Variants in PPP1R12B observed in about 807,000 individuals in gnomAD.
The protein encoded by PPP1R12B is myosin phosphatase target subunit 2.
PPP1R12B carries 76 observed loss-of-function variants against 126.1 expected under a neutral mutation model. That is an observed-to-expected ratio of 0.60 (90% CI 0.50 to 0.73). The LOEUF is 0.73. Ranked by LOEUF, PPP1R12B falls within the 30% of genes least tolerant of loss-of-function variation. PPP1R12B has a pLI of 0.00. For synonymous variants in PPP1R12B, 356 were observed against 434.7 expected, an observed-to-expected ratio of 0.82 and a Z score of 2.25; for missense variants, 1,052 against 1,205.1, an observed-to-expected ratio of 0.87 and a Z score of 1.88.
intron 18 of PPP1R12B, chr1:202,502,866 C>G (rs192972360): frequency 1.1e-4 from 16 of 151,964 alleles, no homozygotes; most frequent in African/African-American, 3.4e-4. Flanking sequence ...TTGCAAAGAC[C>G]CTAAGATAGG....
chr1:202,514,409 T>C (rs1681875556), intron 18 of PPP1R12B, among the ~76,000 whole-genome samples: 1 of 152,238 alleles, frequency 6.6e-6, no homozygotes, highest in Non-Finnish European at 1.5e-5. Context: ...TTTCTTTTGC[T>C]GTGCAGAAGC....
Position 202,508,284 on chromosome 1 carries a change from C to T in PPP1R12B, c.2490+11462C>T, listed in dbSNP as rs1313558469. Among the ~76,000 whole-genome samples, 4 of 152,212 alleles carry T rather than the reference C, an allele frequency of 2.6e-5. No homozygotes were observed. Among genetic ancestry groups the T allele is most frequent in the Non-Finnish European group, 4.4e-5 (3 of 68,036 alleles). On this transcript the variant is annotated intron_variant, in intron 18 of 23. Coordinates refer to ENST00000608999, the MANE Select transcript of PPP1R12B (RefSeq NM_002481.4). This position sits in a 1 kb window ranked among gnomAD's most constrained non-coding sequence, Gnocchi z 4.5. ...CCTTTAAGGTACATAAATGTTCACA[C>T]AGATGTGCCTTCATAGAATATGTAC...
At chr1:202,403,359 T>C (rs1041193236) in intron 1 of PPP1R12B, among the ~76,000 whole-genome samples, 1 of 152,266 alleles carries the variant, frequency 6.6e-6, no homozygotes, top group African/African-American at 2.4e-5. Flanking sequence ...ATTTTTAATT[T>C]ACCAACTCAT....
chr1:202,514,905 G>C (rs1158499164), intron 18 of PPP1R12B, among the ~76,000 whole-genome samples: 1 of 152,146 alleles, frequency 6.6e-6, no homozygotes, highest in Non-Finnish European at 1.5e-5. Flanking sequence ...ATGCCCATCA[G>C]TGACAGACTG....
chr1:202,383,259 G>T lies in PPP1R12B; in HGVS notation c.292-33528G>T, dbSNP rs1662629077. Among the ~76,000 whole-genome samples the T allele has an allele frequency of 2.0e-5, 3 of 152,160 alleles. No individual in the cohort carries two copies. The South Asian group carries it at 6.2e-4, about 31-fold the overall frequency. On this transcript the variant is annotated intron_variant, in intron 1 of 23. Transcript: ENST00000608999. ...GCCCAGCTGACCAACTTCATATAAG[G>T]TTTATGAAAGTCAGCTTAAGAGATA... is the stretch of plus-strand genomic sequence containing the variant.
intron 8 of PPP1R12B, 121 bp downstream of exon 8, chr1:202,431,740 A>G: frequency 2.1e-6 from 2 of 944,054 alleles, no homozygotes; most frequent in South Asian, 1.9e-5. Context: ...TTAGTTTTCA[A>G]GGATAAGATA....
chr1:202,468,687 C>T (rs568207862), intron 13 of PPP1R12B, among the ~76,000 whole-genome samples: 1 of 152,334 alleles, frequency 6.6e-6, no homozygotes, highest in East Asian at 1.9e-4. Context: ...GGCACGGTGG[C>T]TCATGCCTGT....
intron 18 of PPP1R12B, among the ~76,000 whole-genome samples, chr1:202,550,095 G>A (rs566786295): frequency 6.6e-6 from 1 of 152,218 alleles, no homozygotes; most frequent in African/African-American, 2.4e-5. Flanking sequence ...TTTTGTTTTT[G>A]TGGGAATCAA....
intron 13 of PPP1R12B, among the ~76,000 whole-genome samples, chr1:202,456,041 G>T (rs1008520576): frequency 6.6e-6 from 1 of 152,090 alleles, no homozygotes; most frequent in African/African-American, 2.4e-5. Flanking sequence ...GGCTGAGGGG[G>T]TTGGATCACT....
Position 202,348,767 on chromosome 1 carries a change from C to A in PPP1R12B, c.-85C>A, listed in dbSNP as rs546492323. On this transcript the variant is annotated 5_prime_UTR_variant, in exon 1 of 24. Transcript: ENST00000608999. ...CCGCCCTCTGCTCCGGGCTGAAGCG[C>A]TCTGAGAGAGGCGGCAGCGGCAACT... 102 of 1,487,000 alleles carry A rather than the reference C, an allele frequency of 6.9e-5. No individual in the cohort carries two copies. In the African/African-American group the frequency reaches 1.3e-3, roughly 20 times the overall value. 92.1% of individuals were successfully genotyped at this position (1,487,000 alleles called of 1,614,324 possible). A position where few individuals can be genotyped will look rare whatever the true frequency, so the allele number is the denominator to read the frequency against.
In PPP1R12B at chr1:202,485,140, G is replaced by GT. The variant is rs369400250; in HGVS notation, c.1851-3390dup. Among the ~76,000 whole-genome samples the GT allele has an allele frequency of 6.6e-3, 999 of 152,326 alleles. 11 individuals carry two copies. Among genetic ancestry groups the GT allele is most frequent in the African/African-American group, 0.023 (958 of 41,566 alleles). ...GAGGGGACTGGCCAGCAGTTAGGCA[G>GT]TTTCCCCCCTGTGCAGCTTTGGCTG... On this transcript the variant is annotated intron_variant, in intron 13 of 23. Transcript: ENST00000608999.
In PPP1R12B at chr1:202,585,833, A is replaced by G. The variant is rs946794660; in HGVS notation, c.*5273A>G. 1 of 152,204 alleles carries G rather than the reference A, an allele frequency of 6.6e-6. No individual in the cohort carries two copies. Among genetic ancestry groups the G allele is most frequent in the African/African-American group, 2.4e-5 (1 of 41,462 alleles). The allele number at this position is 152,204 out of a possible 1,614,324, so 9.4% of individuals were successfully genotyped here. Reference sequence around the variant, plus strand: ...CTCATGGAGAAATGGATAGAAAGCAATTTGTTGCAGGCAGCCTTTGGACAA... The same window carrying G: ...CTCATGGAGAAATGGATAGAAAGCAGTTTGTTGCAGGCAGCCTTTGGACAA... On this transcript the variant is annotated 3_prime_UTR_variant, in exon 24 of 24. Coordinates refer to ENST00000608999, the MANE Select transcript of PPP1R12B (RefSeq NM_002481.4).
At chr1:202,390,180 G>A (rs1558166222) in intron 1 of PPP1R12B, among the ~76,000 whole-genome samples, 1 of 152,176 alleles carries the variant, frequency 6.6e-6, no homozygotes, top group African/African-American at 2.4e-5. Context: ...ATTCACTGGG[G>A]AAGGAATAGT....
At chr1:202,435,258 C>G (rs1332685409) in intron 9 of PPP1R12B, among the ~76,000 whole-genome samples, 2 of 152,088 alleles carry the variant, frequency 1.3e-5, no homozygotes, top group East Asian at 1.9e-4. Flanking sequence ...TAACATTGCC[C>G]CCCAAAATCT....
chr1:202,372,312 T>C (rs1371284957), intron 1 of PPP1R12B, among the ~76,000 whole-genome samples: 1 of 152,082 alleles, frequency 6.6e-6, no homozygotes, highest in Admixed American at 6.6e-5. Flanking sequence ...AAGACCAGCC[T>C]GGGCAACAAA....
chr1:202,572,939 C>T (rs1203722410), intron 23 of PPP1R12B, among the ~76,000 whole-genome samples: 9 of 152,280 alleles, frequency 5.9e-5, no homozygotes, highest in Non-Finnish European at 5.9e-5. Flanking sequence ...TGCCTCTCTC[C>T]CTCATGCTGA....
intron 18 of PPP1R12B, among the ~76,000 whole-genome samples, chr1:202,555,662 C>T (rs1270422029): frequency 1.3e-5 from 2 of 151,944 alleles, no homozygotes; most frequent in African/African-American, 2.4e-5. Flanking sequence ...ATACCTAAGA[C>T]GATGTGGAAA....
chr1:202,503,976 A>G (rs748121972), intron 18 of PPP1R12B, among the ~76,000 whole-genome samples: 3 of 152,138 alleles, frequency 2.0e-5, no homozygotes, highest in Non-Finnish European at 4.4e-5. Flanking sequence ...TTCTTACTAC[A>G]TCAGAGGGAT....
chr1:202,428,046 G>A (rs1217686694), intron 5 of PPP1R12B, among the ~76,000 whole-genome samples: 2 of 134 alleles, frequency 0.015, no homozygotes, highest in Non-Finnish European at 0.083. Context: ...CTGGGCTCAA[G>A]TGATTCCCAG....
Sources: allele counts gnomAD v4.1 joint callset (sites outside exome capture counted in the v4.1 genomes callset), GRCh38; gene constraint gnomAD v4.1.1; non-coding constraint Gnocchi (gnomAD v3.1); transcripts MANE v1.5; gene names NCBI Gene and HGNC (gene_info 2026-07-23, HGNC 2026-07-21).